AP1S3: variants seen among roughly 807,000 people sequenced by gnomAD.
AP1S3 encodes the protein adaptor related protein complex 1 subunit sigma 3, also known as AP-1 complex subunit sigma-3.
AP1S3 carries 10 observed loss-of-function variants against 20.9 expected under a neutral mutation model. That is an observed-to-expected ratio of 0.48 (90% CI 0.29 to 0.81). The LOEUF is 0.81. Ranked by LOEUF, AP1S3 falls within the 30% of genes least tolerant of loss-of-function variation. The pLI is 0.08. For missense variants in AP1S3, 154 were observed against 183.8 expected, an observed-to-expected ratio of 0.84 and a Z score of 0.94; for synonymous variants, 41 against 61.5, an observed-to-expected ratio of 0.67 and a Z score of 1.56.
intron 1 of AP1S3, among the ~76,000 whole-genome samples, chr2:223,815,705 TAC>T (rs1249422116): frequency 3.9e-5 from 6 of 152,330 alleles, no homozygotes; most frequent in Admixed American, 2.0e-4. Flanking sequence ...CAGAATATAA[TAC>T]AGTTTTTAAG....
chr2:223,802,720 G>A (rs1214934166), intron 1 of AP1S3, among the ~76,000 whole-genome samples: 1 of 152,126 alleles, frequency 6.6e-6, no homozygotes, highest in African/African-American at 2.4e-5. Context: ...ATCACAGTGT[G>A]AAATAAATTG....
chr2:223,793,603 A>C (rs1222623098), intron 1 of AP1S3, among the ~76,000 whole-genome samples: 2 of 152,102 alleles, frequency 1.3e-5, no homozygotes, highest in African/African-American at 2.4e-5. Context: ...ATAGCTAAGG[A>C]GGAAGAGCAT....
At chr2:223,775,718 A>C (rs1358603040) in intron 3 of AP1S3, among the ~76,000 whole-genome samples, 183 bp downstream of exon 3, 2 of 152,178 alleles carry the variant, frequency 1.3e-5, no homozygotes, top group African/African-American at 2.4e-5. Flanking sequence ...TTCATTTACT[A>C]AGAATTATAG....
intron 1 of AP1S3, among the ~76,000 whole-genome samples, chr2:223,833,084 C>G (rs867504819): frequency 1.3e-5 from 2 of 152,060 alleles, no homozygotes; most frequent in Non-Finnish European, 2.9e-5. Context: ...ATGGGTGGCT[C>G]TACTGTTTTG....
chr2:223,782,626 A>T (rs569814101), intron 1 of AP1S3, among the ~76,000 whole-genome samples: 3 of 152,230 alleles, frequency 2.0e-5, no homozygotes, highest in African/African-American at 4.8e-5. Flanking sequence ...ACAAAGAGCA[A>T]TGTTTCATTC....
intron 1 of AP1S3, among the ~76,000 whole-genome samples, chr2:223,826,466 G>A (rs935725674): frequency 2.6e-5 from 4 of 152,048 alleles, no homozygotes; most frequent in Non-Finnish European, 4.4e-5. Context: ...AGTGGTGTGC[G>A]CCCGTAATCC....
intron 1 of AP1S3, among the ~76,000 whole-genome samples, chr2:223,789,352 A>G (rs1178361070): frequency 3.3e-5 from 5 of 152,078 alleles, no homozygotes; most frequent in African/African-American, 9.7e-5. Context: ...AATCAAAGGA[A>G]TCTCCAATAA....
intron 3 of AP1S3, among the ~76,000 whole-genome samples, chr2:223,769,226 T>C (rs565295270): frequency 1.3e-5 from 2 of 152,322 alleles, no homozygotes; most frequent in African/African-American, 4.8e-5. Context: ...AATTTGAGTA[T>C]AGTGTAGGAA....
In AP1S3 at chr2:223,765,345, A is replaced by C. The variant is rs764693754; in HGVS notation, c.297T>G (p.Cys99Trp). The C allele has an allele frequency of 6.2e-7, 1 of 1,611,852 alleles. No individual in the cohort carries two copies. The highest frequency in any genetic ancestry group is 1.3e-5 in the African/African-American group (1 of 74,790). The change falls in exon 4 of 5, where the codon TGT (cysteine) becomes TGG (tryptophan). Residue 99 changes from cysteine (C) to tryptophan (W), a missense_variant. Coordinates refer to ENST00000396654, the MANE Select transcript of AP1S3 (RefSeq NM_001039569.2). Reference sequence around the variant, plus strand: ...CAAAATTAAAGATAATATCCAGCTCACAGACCTGGTGGGACAAAAACAAAC... The same window carrying C: ...CAAAATTAAAGATAATATCCAGCTCCCAGACCTGGTGGGACAAAAACAAAC... The part of the protein sequence containing the change: ...ELLDKYFGNV[C>W]ELDIIFNFEK...
intron 1 of AP1S3, among the ~76,000 whole-genome samples, chr2:223,801,288 A>G (rs1483662440): frequency 6.6e-6 from 1 of 152,210 alleles, no homozygotes; most frequent in South Asian, 2.1e-4. Context: ...TCGACGAGCT[A>G]GAAGGTTTCA....
rs990663746 is a variant in AP1S3 at position 223,757,460 on chromosome 2, G to C, written c.*1255C>G. ...AGCCACTGTACCCGGCCTAATTTTTGTATTTTTAGTAGAGATGGGGTTTCA... is the reference window on the plus strand; with the variant it reads ...AGCCACTGTACCCGGCCTAATTTTTCTATTTTTAGTAGAGATGGGGTTTCA... On this transcript the variant is annotated 3_prime_UTR_variant, in exon 5 of 5. Coordinates refer to ENST00000396654, the MANE Select transcript of AP1S3 (RefSeq NM_001039569.2). 16 of 387,288 alleles carry C rather than the reference G, an allele frequency of 4.1e-5. No individual in the cohort carries two copies. The highest frequency in any genetic ancestry group is 5.6e-5 in the Non-Finnish European group (16 of 283,948). The allele number at this position is 387,288 out of a possible 1,614,324, so 24.0% of individuals were successfully genotyped here. A position where few individuals can be genotyped will look rare whatever the true frequency, so the allele number is the denominator to read the frequency against.
At chr2:223,775,834 G>A (rs1690770149) in intron 3 of AP1S3, 67 bp downstream of exon 3, 1 of 1,202,066 alleles carries the variant, frequency 8.3e-7, no homozygotes, top group Non-Finnish European at 1.2e-6. Flanking sequence ...TGTGACCAGA[G>A]ACAGAACTGA....
intron 1 of AP1S3, among the ~76,000 whole-genome samples, chr2:223,812,717 T>G (rs1262136417): frequency 4.6e-5 from 7 of 152,134 alleles, no homozygotes; most frequent in African/African-American, 1.7e-4. Context: ...ATTTGGAAGG[T>G]ATTCAGGGAT....
intron 4 of AP1S3, 100 bp from the exon 5 acceptor site, chr2:223,758,850 A>G: frequency 9.3e-7 from 1 of 1,075,888 alleles, no homozygotes; most frequent in South Asian, 1.7e-5. Context: ...GCCATTGTTG[A>G]AAACAAGTTG....
At chr2:223,784,913 A>T (rs1040692211) in intron 1 of AP1S3, among the ~76,000 whole-genome samples, 9 of 152,354 alleles carry the variant, frequency 5.9e-5, no homozygotes, top group African/African-American at 2.2e-4. Flanking sequence ...ATATTGAGGC[A>T]TTAGATGTTT....
At position 223,807,825 on chromosome 2, in the gene AP1S3, CT is replaced by C. The variant is rs534470974; in HGVS notation, c.3+29622del. Among the ~76,000 whole-genome samples the C allele has an allele frequency of 9.2e-3, 731 of 79,840 alleles. 3 individuals carry two copies. Among genetic ancestry groups the C allele is most frequent in the African/African-American group, 0.021 (484 of 22,604 alleles). The allele number at this position is 79,840 out of a possible 152,430, so 52.4% of individuals were successfully genotyped here. A position where few individuals can be genotyped will look rare whatever the true frequency, so the allele number is the denominator to read the frequency against. On this transcript the variant is annotated intron_variant, in intron 1 of 4. Coordinates refer to ENST00000396654, the MANE Select transcript of AP1S3 (RefSeq NM_001039569.2). Reference sequence around the variant, plus strand: ...GCAGAACTATGAGCCAATTGAGCCTCTTTTTTTTTTTATGAATTACCTAGTC... The same window carrying C: ...GCAGAACTATGAGCCAATTGAGCCTCTTTTTTTTTTATGAATTACCTAGTC...
intron 4 of AP1S3, among the ~76,000 whole-genome samples, chr2:223,759,758 C>T (rs1004246569): frequency 6.6e-5 from 10 of 152,122 alleles, no homozygotes; most frequent in African/African-American, 2.2e-4. Context: ...TCCTGATCCT[C>T]TCCCTCCTCC....
intron 1 of AP1S3, among the ~76,000 whole-genome samples, chr2:223,790,649 A>C (rs1428036317): frequency 6.6e-6 from 1 of 152,170 alleles, no homozygotes; most frequent in African/African-American, 2.4e-5. Context: ...TATGTCCTGA[A>C]AGATAGTATA....
At chr2:223,786,666 C>A (rs147157871) in intron 1 of AP1S3, among the ~76,000 whole-genome samples, 1,764 of 152,020 alleles carry the variant, frequency 0.012, 35 homozygotes, top group African/African-American at 0.041. Flanking sequence ...CTTTGGGAGG[C>A]CAAGGTGAGC....
Sources: allele counts gnomAD v4.1 joint callset (sites outside exome capture counted in the v4.1 genomes callset), GRCh38; gene constraint gnomAD v4.1.1; transcripts MANE v1.5; gene names NCBI Gene and HGNC (gene_info 2026-07-23, HGNC 2026-07-21).